Variants in CSNK1G2 observed in about 807,000 individuals in gnomAD.
CSNK1G2 encodes the protein casein kinase I isoform gamma-2.
In CSNK1G2, 11 loss-of-function variants were observed where a neutral mutation model predicts 48.0. That is an observed-to-expected ratio of 0.23 (90% CI 0.14 to 0.38). The LOEUF is 0.38. Among genes scored for constraint, CSNK1G2 ranks in the 10% least tolerant of loss-of-function variants. CSNK1G2 has a pLI of 1.00. For synonymous variants in CSNK1G2, 337 were observed against 254.1 expected, an observed-to-expected ratio of 1.33 and a Z score of -3.10; for missense variants, 446 against 595.5, an observed-to-expected ratio of 0.75 and a Z score of 2.61.
intron 1 of CSNK1G2, among the ~76,000 whole-genome samples, chr19:1,946,695 C>T (rs1395959424): frequency 6.6e-6 from 1 of 151,510 alleles, no homozygotes; most frequent in African/African-American, 2.4e-5. Flanking sequence ...TCACTGCAAG[C>T]TCCGCCTCCC....
chr19:1,954,193 C>T, intron 1 of CSNK1G2: 2 of 381,828 alleles, frequency 5.2e-6, no homozygotes, highest in South Asian at 1.9e-5. Flanking sequence ...AGCTCCTGCG[C>T]CCCTCCATTG....
At position 1,980,109 on chromosome 19, in the gene CSNK1G2, T is replaced by C. The variant is rs754208328; in HGVS notation, c.1194-40T>C. On this transcript the variant is annotated intron_variant, in intron 11 of 11. Transcript: ENST00000255641. ...CCTGAGGCCTGGGCTGCCCCCGCCC[T>C]GCACCCCGGTCCTCCTACCTGAGCC... is the stretch of plus-strand genomic sequence containing the variant. 5 of 1,611,236 alleles carry C rather than the reference T, an allele frequency of 3.1e-6. No homozygotes were observed. The East Asian group carries it at 6.7e-5, about 22-fold the overall frequency.
At chr19:1,956,366 A>G (rs1196856523) in intron 1 of CSNK1G2, among the ~76,000 whole-genome samples, 2 of 152,232 alleles carry the variant, frequency 1.3e-5, no homozygotes, top group Non-Finnish European at 2.9e-5. Flanking sequence ...AGCTGAGCCA[A>G]GATCAGACGG....
At chr19:1,952,695 A>T (rs992185844) in intron 1 of CSNK1G2, 1 of 254,950 alleles carries the variant, frequency 3.9e-6, no homozygotes, top group East Asian at 1.8e-4. Context: ...TCTGAGGGTC[A>T]TGCGCCTAGC....
rs543174711 is a variant in CSNK1G2 at position 1,966,254 on chromosome 19, A to G, written c.-265-3254A>G. ...AGGCTGTGAAGGACACGCGTGATCC[A>G]TGGGAGGAGGTAACATGTCAGGATG... On this transcript the variant is annotated intron_variant, in intron 1 of 11. Coordinates refer to ENST00000255641, the MANE Select transcript of CSNK1G2 (RefSeq NM_001319.7). 1.6e-4 allele frequency among the ~76,000 whole-genome samples: 25 copies of G among 152,332 alleles called. No individual in the cohort carries two copies. In the East Asian group the frequency reaches 4.4e-3, roughly 27 times the overall value.
At chr19:1,976,981 C>G (rs935732253) in intron 2 of CSNK1G2, among the ~76,000 whole-genome samples, 1 of 152,176 alleles carries the variant, frequency 6.6e-6, no homozygotes. Flanking sequence ...TCAGGTGATC[C>G]GCCTGCGTCA....
chr19:1,952,746 G>T, intron 1 of CSNK1G2: 1 of 297,372 alleles, frequency 3.4e-6, no homozygotes. Context: ...TGAGTCGTGC[G>T]GGACTGGATG....
At chr19:1,967,464 CA>C (rs1224444650) in intron 1 of CSNK1G2, among the ~76,000 whole-genome samples, 1 of 152,126 alleles carries the variant, frequency 6.6e-6, no homozygotes, top group Non-Finnish European at 1.5e-5. Flanking sequence ...AGAATGGGGC[CA>C]GGGGTGGCTG....
In CSNK1G2 at chr19:1,979,911, G is replaced by A; in HGVS notation, c.1087G>A (p.Ala363Thr). The A allele has an allele frequency of 6.2e-7, 1 of 1,607,718 alleles. No homozygotes were observed. ...DKTQPHSKNQALNSTNGELNA... is the reference protein window; with the variant it reads ...DKTQPHSKNQTLNSTNGELNA... ...CGTGACCCCCTACTGCCCCCACCAG[G>A]CGTTGAACTCCACCAACGGGGAGCT... Residue 363 changes from alanine to threonine, a missense_variant and splice_region_variant, in exon 11 of 12, where the codon GCG becomes ACG. By Grantham distance (58) the Ala-to-Thr change is moderately conservative. Transcript: ENST00000255641.
At chr19:1,954,939 T>C (rs1939658240) in intron 1 of CSNK1G2, among the ~76,000 whole-genome samples, 1 of 152,106 alleles carries the variant, frequency 6.6e-6, no homozygotes, top group African/African-American at 2.4e-5. Flanking sequence ...TTGTTGCTTT[T>C]CGCTGTGGCC....
chr19:1,972,698 C>T (rs931930275), intron 2 of CSNK1G2, among the ~76,000 whole-genome samples: 1 of 152,202 alleles, frequency 6.6e-6, no homozygotes, highest in African/African-American at 2.4e-5. Context: ...TCTCGGCTCA[C>T]CACAACCTCT....
intron 2 of CSNK1G2, chr19:1,975,572 C>T (rs1308729282): frequency 2.0e-6 from 2 of 985,340 alleles, no homozygotes; most frequent in Non-Finnish European, 2.4e-6. Flanking sequence ...GAGCCCACCG[C>T]AGGGGCAGCC....
At chr19:1,953,017 A>G (rs1313269187) in intron 1 of CSNK1G2, 2 of 409,112 alleles carry the variant, frequency 4.9e-6, no homozygotes, top group South Asian at 3.7e-5. Context: ...TCCGTCTGAA[A>G]AAAAAAACAA....
chr19:1,950,297 A>G lies in CSNK1G2; in HGVS notation c.-266+8879A>G, dbSNP rs971344844. Among the ~76,000 whole-genome samples, 39 of 149,886 alleles carry G rather than the reference A, an allele frequency of 2.6e-4. 1 individual carries two copies. The highest frequency in any genetic ancestry group is 6.4e-4 in the South Asian group (3 of 4,694). ...TGGGACTACAGGCACCCGCCACCAC[A>G]CCCAGCTAATTGTTTGTATTTTTAG... On this transcript the variant is annotated intron_variant, in intron 1 of 11. Transcript: ENST00000255641.
At chr19:1,948,757 C>A in intron 1 of CSNK1G2, among the ~76,000 whole-genome samples, 1 of 152,194 alleles carries the variant, frequency 6.6e-6, no homozygotes, top group East Asian at 1.9e-4. Flanking sequence ...TAGCAAAATA[C>A]CCTCGTATAG....
chr19:1,953,531 A>T (rs756725103), intron 1 of CSNK1G2: 1 of 527,448 alleles, frequency 1.9e-6, no homozygotes, highest in Non-Finnish European at 3.9e-6. Flanking sequence ...AATTGCCCCT[A>T]TGTGGACTAG....
In CSNK1G2 at chr19:1,978,383, C is replaced by T; in HGVS notation, c.228+38C>T. On this transcript the variant is annotated intron_variant, in intron 3 of 11. Transcript: ENST00000255641. The surrounding 1 kb of genome is among the most constrained non-coding windows in gnomAD (Gnocchi z 7.3). ...CTCCACCCCACCCCCGCTGACGTGC[C>T]CCCCAGGGATTTCAGGGCAGCGACC... 1 of 1,612,016 alleles carries T rather than the reference C, an allele frequency of 6.2e-7. No individual in the cohort carries two copies. Among genetic ancestry groups the T allele is most frequent in the Non-Finnish European group, 8.5e-7 (1 of 1,178,928 alleles).
At chr19:1,945,498 G>A (rs1234480966) in intron 1 of CSNK1G2, among the ~76,000 whole-genome samples, 1 of 152,218 alleles carries the variant, frequency 6.6e-6, no homozygotes, top group African/African-American at 2.4e-5. Flanking sequence ...CGTGAGGCCC[G>A]AGACAGTTTC....
At chr19:1,974,503 A>G (rs562331532) in intron 2 of CSNK1G2, among the ~76,000 whole-genome samples, 1 of 152,246 alleles carries the variant, frequency 6.6e-6, no homozygotes, top group South Asian at 2.1e-4. Context: ...TGCATCAAAG[A>G]CACAGCACTG....
Sources: gnomAD v4.1 joint callset for allele counts (sites outside exome capture counted in the v4.1 genomes callset) on GRCh38, gnomAD v4.1.1 for gene constraint, Gnocchi (gnomAD v3.1) non-coding constraint, MANE v1.5 for transcripts, NCBI Gene and HGNC (gene_info 2026-07-23, HGNC 2026-07-21) for gene names.